The following INPP4B variants were observed in gnomAD, a reference collection of about 807,000 sequenced individuals.
The protein encoded by INPP4B is inositol polyphosphate-4-phosphatase type II B.
A neutral mutation model predicts 122.5 loss-of-function variants in INPP4B; 55 were observed. The observed-to-expected ratio is 0.45, with a 90% CI of 0.36 to 0.56. The LOEUF (loss-of-function observed/expected upper bound fraction) is 0.56, where lower values mean the gene tolerates loss of function less well. Ranked by LOEUF, INPP4B falls within the 20% of genes least tolerant of loss-of-function variation. INPP4B has a pLI of 0.00. For synonymous variants in INPP4B, 403 were observed against 388.7 expected, an observed-to-expected ratio of 1.04 and a Z score of -0.43; for missense variants, 1,000 against 1,097.7, an observed-to-expected ratio of 0.91 and a Z score of 1.26.
At chr4:142,516,544 A>G (rs955908239) in intron 2 of INPP4B, among the ~76,000 whole-genome samples, 20 of 148,642 alleles carry the variant, frequency 1.3e-4, no homozygotes, top group African/African-American at 4.7e-4. Flanking sequence ...AACCCAGACA[A>G]TCCAGCTCCA....
intron 1 of INPP4B, among the ~76,000 whole-genome samples, chr4:142,732,955 A>C (rs1294454837): frequency 1.3e-5 from 2 of 152,196 alleles, no homozygotes; most frequent in Non-Finnish European, 2.9e-5. Context: ...AACTGGTACA[A>C]AGACAGACAA....
chr4:142,761,118 A>T (rs2150973627), intron 1 of INPP4B, among the ~76,000 whole-genome samples: 1 of 152,248 alleles, frequency 6.6e-6, no homozygotes, highest in East Asian at 1.9e-4. Context: ...CCAAGAACAC[A>T]ATATGGACCT....
At chr4:142,030,148 G>A (rs1738880079) in intron 25 of INPP4B, 2 of 1,535,160 alleles carry the variant, frequency 1.3e-6, no homozygotes, top group Non-Finnish European at 8.7e-7. Context: ...TTGGCTAAGA[G>A]TAACGCCAGA....
At chr4:142,620,604 A>G (rs1222973943) in intron 2 of INPP4B, among the ~76,000 whole-genome samples, 1 of 152,016 alleles carries the variant, frequency 6.6e-6, no homozygotes, top group Non-Finnish European at 1.5e-5. Context: ...AACCCGCATG[A>G]CATGCAATTT....
chr4:142,471,766 C>A (rs1818877391), intron 2 of INPP4B, among the ~76,000 whole-genome samples: 1 of 136,178 alleles, frequency 7.3e-6, no homozygotes, highest in Non-Finnish European at 1.6e-5. Flanking sequence ...TGAGCACCCG[C>A]AATCCAAGCC....
At chr4:142,349,104 C>A (rs906419911) in intron 7 of INPP4B, among the ~76,000 whole-genome samples, 1 of 152,012 alleles carries the variant, frequency 6.6e-6, no homozygotes, top group Non-Finnish European at 1.5e-5. Context: ...TAGCCAAGAT[C>A]ATCATGGCAA....
intron 1 of INPP4B, among the ~76,000 whole-genome samples, chr4:142,731,425 A>C (rs1427904811): frequency 6.6e-6 from 1 of 152,218 alleles, no homozygotes; most frequent in East Asian, 1.9e-4. Context: ...TAAAAAAGGC[A>C]GTCTACATTT....
At chr4:142,453,339 C>T (rs1209320047) in intron 3 of INPP4B, among the ~76,000 whole-genome samples, 1 of 152,120 alleles carries the variant, frequency 6.6e-6, no homozygotes, top group Non-Finnish European at 1.5e-5. Context: ...CTAATACAGA[C>T]ATCATCACAA....
chr4:142,474,631 A>G (rs1006487187), intron 2 of INPP4B, among the ~76,000 whole-genome samples: 9 of 152,140 alleles, frequency 5.9e-5, no homozygotes, highest in Non-Finnish European at 1.2e-4. Context: ...ACACCCAGAC[A>G]GTAGGGCAGA....
chr4:142,213,881 G>A (rs991668966), intron 12 of INPP4B, among the ~76,000 whole-genome samples: 4 of 152,026 alleles, frequency 2.6e-5, no homozygotes, highest in African/African-American at 4.8e-5. Flanking sequence ...TTCCTCCTCC[G>A]TGAGTGAGTC....
chr4:142,723,710 T>C (rs919726535), intron 2 of INPP4B, among the ~76,000 whole-genome samples: 1 of 152,168 alleles, frequency 6.6e-6, no homozygotes, highest in African/African-American at 2.4e-5. Context: ...AAAAGCTGAA[T>C]GGTTCCATTT....
chr4:142,057,573 C>T (rs1020200411), intron 25 of INPP4B, among the ~76,000 whole-genome samples: 1 of 152,068 alleles, frequency 6.6e-6, no homozygotes, highest in Non-Finnish European at 1.5e-5. Context: ...ACAGGCTAAA[C>T]AAGAAATAGT....
At chr4:142,808,959 T>C (rs969097068) in intron 1 of INPP4B, among the ~76,000 whole-genome samples, 4 of 152,110 alleles carry the variant, frequency 2.6e-5, no homozygotes, top group Non-Finnish European at 5.9e-5. Flanking sequence ...AAATATTCAG[T>C]TTGTTAGGTG....
chr4:142,051,372 C>G (rs940389019), intron 25 of INPP4B, among the ~76,000 whole-genome samples: 2 of 151,900 alleles, frequency 1.3e-5, no homozygotes, highest in African/African-American at 4.8e-5. Flanking sequence ...ATACTAGATG[C>G]TGGGTTAACA....
At chr4:142,628,557 TAAAAA>T (rs35955830) in intron 2 of INPP4B, among the ~76,000 whole-genome samples, 5 of 99,918 alleles carry the variant, frequency 5.0e-5, no homozygotes, top group Admixed American at 2.2e-4. Context: ...AAACTTAAAG[TAAAAA>T]AAAAAAAAAA....
chr4:142,429,289 A>G, intron 4 of INPP4B, 72 bp from the exon 5 acceptor site: 1 of 779,292 alleles, frequency 1.3e-6, no homozygotes, highest in Non-Finnish European at 2.1e-6. Context: ...ATATATTACT[A>G]TGCTTCATTG....
intron 1 of INPP4B, among the ~76,000 whole-genome samples, chr4:142,748,770 A>G (rs1306113147): frequency 2.6e-5 from 4 of 152,070 alleles, no homozygotes; most frequent in Non-Finnish European, 5.9e-5. Flanking sequence ...AAGAGGAAAA[A>G]CAAAAAGTAC....
chr4:142,322,685 G>C (rs767352286), intron 7 of INPP4B, among the ~76,000 whole-genome samples: 1 of 152,216 alleles, frequency 6.6e-6, no homozygotes, highest in African/African-American at 2.4e-5. Context: ...TAACTAAGGT[G>C]AGTGGGCCAA....
intron 25 of INPP4B, among the ~76,000 whole-genome samples, chr4:142,034,562 C>G (rs1366453628): frequency 6.6e-6 from 1 of 152,094 alleles, no homozygotes; most frequent in Non-Finnish European, 1.5e-5. Context: ...CTCAGTTCCC[C>G]ACAGCCTGAC....
Sources: gnomAD v4.1 joint callset for allele counts (sites outside exome capture counted in the v4.1 genomes callset) on GRCh38, gnomAD v4.1.1 for gene constraint, MANE v1.5 for transcripts, NCBI Gene and HGNC (gene_info 2026-07-23, HGNC 2026-07-21) for gene names.